MYO3B: variants seen among roughly 807,000 people sequenced by gnomAD.
The protein encoded by MYO3B is myosin-IIIb.
MYO3B carries 156 observed loss-of-function variants against 174.6 expected under a neutral mutation model. The ratio of observed to expected loss-of-function variants is 0.89; its 90% CI spans 0.78 to 1.02. The LOEUF (loss-of-function observed/expected upper bound fraction) is 1.02. Among genes scored for constraint, MYO3B ranks in the 50% least tolerant of loss-of-function variants. The pLI is 0.00. For missense variants in MYO3B, 1,632 were observed against 1,639.4 expected, an observed-to-expected ratio of 1.00 and a Z score of 0.08; for synonymous variants, 563 against 569.1, an observed-to-expected ratio of 0.99 and a Z score of 0.15.
intron 28 of MYO3B, among the ~76,000 whole-genome samples, chr2:170,502,889 C>T (rs981512342): frequency 6.6e-6 from 1 of 152,226 alleles, no homozygotes; most frequent in African/African-American, 2.4e-5. Flanking sequence ...ACTGTAGAAG[C>T]CTGATGTCTT....
At chr2:170,287,910 G>A (rs894106774) in intron 7 of MYO3B, among the ~76,000 whole-genome samples, 4 of 152,170 alleles carry the variant, frequency 2.6e-5, no homozygotes, top group African/African-American at 9.6e-5. Context: ...TGTATGGAGA[G>A]AGACTGGGGT....
At chr2:170,606,386 C>A (rs1366744070) in intron 32 of MYO3B, among the ~76,000 whole-genome samples, 1 of 152,190 alleles carries the variant, frequency 6.6e-6, no homozygotes, top group African/African-American at 2.4e-5. Context: ...ATGCTGTCCC[C>A]TCAGCCTAGA....
At chr2:170,632,415 G>A (rs931570833) in intron 32 of MYO3B, among the ~76,000 whole-genome samples, 1 of 152,116 alleles carries the variant, frequency 6.6e-6, no homozygotes. Context: ...AAATAAAGAT[G>A]TTCTTTGAAA....
chr2:170,396,254 G>A (rs140021170), intron 16 of MYO3B, among the ~76,000 whole-genome samples: 2 of 152,330 alleles, frequency 1.3e-5, no homozygotes, highest in East Asian at 3.9e-4. Context: ...AGAGAAAATG[G>A]ACAAGGTAAA....
At chr2:170,260,436 A>G (rs557193425) in intron 7 of MYO3B, among the ~76,000 whole-genome samples, 1 of 152,344 alleles carries the variant, frequency 6.6e-6, no homozygotes, top group South Asian at 2.1e-4. Flanking sequence ...TATTATCCTA[A>G]GTGAATTAGT....
chr2:170,181,681 C>T (rs1335696996), intron 1 of MYO3B, among the ~76,000 whole-genome samples: 4 of 152,014 alleles, frequency 2.6e-5, no homozygotes, highest in African/African-American at 9.7e-5. Context: ...AATGCTTTTT[C>T]TGCATCGATC....
At chr2:170,468,844 G>A (rs1684800094) in intron 25 of MYO3B, among the ~76,000 whole-genome samples, 1 of 152,188 alleles carries the variant, frequency 6.6e-6, no homozygotes, top group Non-Finnish European at 1.5e-5. Context: ...ATTGGGATGT[G>A]TTCTGGCAAA....
At chr2:170,366,328 G>A (rs545600845) in intron 8 of MYO3B, among the ~76,000 whole-genome samples, 2 of 151,956 alleles carry the variant, frequency 1.3e-5, no homozygotes, top group South Asian at 2.1e-4. Context: ...TTGAGACAGG[G>A]TCTCACTCTG....
chr2:170,645,078 G>A (rs1698260632), intron 32 of MYO3B, among the ~76,000 whole-genome samples: 1 of 152,084 alleles, frequency 6.6e-6, no homozygotes, highest in South Asian at 2.1e-4. Context: ...CGACAAAGTG[G>A]GGAGTTTGGT....
At chr2:170,323,606 C>T (rs2093844605) in intron 7 of MYO3B, among the ~76,000 whole-genome samples, 1 of 152,132 alleles carries the variant, frequency 6.6e-6, no homozygotes, top group Admixed American at 6.6e-5. Context: ...ATTTGAAGCT[C>T]GGCCGCACCA....
chr2:170,391,628 AG>A lies in MYO3B; in HGVS notation c.1676+16del. The stretch of plus-strand genomic sequence containing the variant: ...AGGAAAAACCTCCTAGGTAAGTGTC[AG>A]GGGGGTTGGTTGTTAATTTTTGATG... On this transcript the variant is annotated intron_variant, in intron 15 of 34. Transcript: ENST00000408978. 6 of 1,490,632 alleles carry A rather than the reference AG, an allele frequency of 4.0e-6. No homozygotes were observed. Among genetic ancestry groups the A allele is most frequent in the Non-Finnish European group, 5.5e-6 (6 of 1,094,512 alleles). 92.3% of individuals were successfully genotyped at this position (1,490,632 alleles called of 1,614,324 possible).
At chr2:170,465,651 A>G (rs1262549468) in intron 24 of MYO3B, among the ~76,000 whole-genome samples, 4 of 152,246 alleles carry the variant, frequency 2.6e-5, no homozygotes, top group Non-Finnish European at 5.9e-5. Context: ...CCCTATCAGC[A>G]GAAAAGCCTC....
chr2:170,195,176 C>G (rs1209001357), intron 1 of MYO3B, among the ~76,000 whole-genome samples: 1 of 151,934 alleles, frequency 6.6e-6, no homozygotes, highest in African/African-American at 2.4e-5. Context: ...TAGAAGAGGG[C>G]AGTCACCTGG....
intron 22 of MYO3B, among the ~76,000 whole-genome samples, chr2:170,417,189 C>A (rs954423937): frequency 1.3e-5 from 2 of 152,118 alleles, no homozygotes; most frequent in South Asian, 2.1e-4. Context: ...TCTTCTCTGT[C>A]TACCCAATGG....
intron 32 of MYO3B, among the ~76,000 whole-genome samples, chr2:170,633,892 C>A (rs755714143): frequency 5.9e-5 from 9 of 152,074 alleles, no homozygotes; most frequent in South Asian, 2.1e-4. Flanking sequence ...TAAAATACCT[C>A]GGAATGCAAC....
At chr2:170,466,005 C>A (rs1559028731) in intron 24 of MYO3B, among the ~76,000 whole-genome samples, 1 of 152,114 alleles carries the variant, frequency 6.6e-6, no homozygotes, top group African/African-American at 2.4e-5. Context: ...CCACAGTCTT[C>A]TTTTTGGTAC....
At chr2:170,214,562 A>G in intron 4 of MYO3B, 79 bp downstream of exon 4, 1 of 1,450,024 alleles carries the variant, frequency 6.9e-7, no homozygotes. Flanking sequence ...GCATATTAAC[A>G]ATGGGGAAAC....
At chr2:170,474,218 A>G (rs1372864194) in intron 25 of MYO3B, among the ~76,000 whole-genome samples, 2 of 152,138 alleles carry the variant, frequency 1.3e-5, no homozygotes, top group African/African-American at 4.8e-5. Context: ...AAAGCATTCT[A>G]TAGGCTTAGC....
rs200263208 is a variant in MYO3B at position 170,453,449 on chromosome 2, CACACGA to C, written c.2730+9404_2730+9409del. On this transcript the variant is annotated intron_variant, in intron 23 of 34. Transcript: ENST00000408978. ...ACACACACACACACACACACACACACACACGAGAGAGAGAGAGAGAAAGAGAGAGCG... is the reference window on the plus strand; with the variant it reads ...ACACACACACACACACACACACACACGAGAGAGAGAGAGAAAGAGAGAGCG... Among the ~76,000 whole-genome samples, 400 of 121,660 alleles carry C rather than the reference CACACGA, an allele frequency of 3.3e-3. 6 individuals are homozygous for C. Among genetic ancestry groups the C allele is most frequent in the East Asian group, 0.029 (117 of 4,066 alleles). 79.8% of individuals were successfully genotyped at this position (121,660 alleles called of 152,430 possible). A position where few individuals can be genotyped will look rare whatever the true frequency, so the allele number is the denominator to read the frequency against.
Sources: gnomAD v4.1 joint callset for allele counts (sites outside exome capture counted in the v4.1 genomes callset) on GRCh38, gnomAD v4.1.1 for gene constraint, MANE v1.5 for transcripts, NCBI Gene and HGNC (gene_info 2026-07-23, HGNC 2026-07-21) for gene names.